Variants in STIM2 observed in about 807,000 individuals in gnomAD.
The protein encoded by STIM2 is stromal interaction molecule 2.
In STIM2, 31 loss-of-function variants were observed where a neutral mutation model predicts 85.8. That is an observed-to-expected ratio of 0.36 (90% CI 0.27 to 0.49). The LOEUF (loss-of-function observed/expected upper bound fraction) is 0.49. STIM2 is among the 20% of genes least tolerant of loss of function. The pLI, the probability that STIM2 is intolerant of heterozygous loss-of-function variation, is 0.98. For synonymous variants in STIM2, 356 were observed against 331.1 expected (o/e 1.08, Z -0.82); for missense variants, 841 against 927.6 (o/e 0.91, Z 1.21).
intron 2 of STIM2, among the ~76,000 whole-genome samples, chr4:26,954,135 T>C (rs1242280656): frequency 1.3e-5 from 2 of 152,106 alleles, no homozygotes; most frequent in Non-Finnish European, 2.9e-5. Flanking sequence ...TTTATTAAAG[T>C]GGTGTCATAA....
At chr4:26,915,712 C>T (rs972847942) in intron 1 of STIM2, among the ~76,000 whole-genome samples, 1 of 152,196 alleles carries the variant, frequency 6.6e-6, no homozygotes, top group Non-Finnish European at 1.5e-5. Flanking sequence ...TTTCCCTCAG[C>T]GCAAAGTGCT....
chr4:26,903,658 G>T (rs1724011876), intron 1 of STIM2, among the ~76,000 whole-genome samples: 1 of 152,012 alleles, frequency 6.6e-6, no homozygotes, highest in Non-Finnish European at 1.5e-5. Context: ...AATACTAAAG[G>T]CTAGCTCAGC....
At chr4:26,943,386 A>T (rs549516763) in intron 2 of STIM2, among the ~76,000 whole-genome samples, 1 of 152,286 alleles carries the variant, frequency 6.6e-6, no homozygotes, top group East Asian at 1.9e-4. Context: ...TCATGAACTC[A>T]TGATTTTAAA....
At chr4:26,883,765 T>A (rs956484379) in intron 1 of STIM2, among the ~76,000 whole-genome samples, 4 of 152,246 alleles carry the variant, frequency 2.6e-5, no homozygotes, top group Non-Finnish European at 4.4e-5. Context: ...CTGTATCAAA[T>A]GTTCCTTTTG....
At chr4:26,911,615 T>G (rs1486526005) in intron 1 of STIM2, among the ~76,000 whole-genome samples, 1 of 152,238 alleles carries the variant, frequency 6.6e-6, no homozygotes, top group African/African-American at 2.4e-5. Context: ...AATCAGAGAT[T>G]ATCTAGAGTC....
At chr4:26,899,662 A>T (rs1407219384) in intron 1 of STIM2, among the ~76,000 whole-genome samples, 1 of 152,166 alleles carries the variant, frequency 6.6e-6, no homozygotes, top group Non-Finnish European at 1.5e-5. Flanking sequence ...GTCACTGATG[A>T]ATACTTTTTC....
At chr4:26,988,351 A>AT (rs1217806429) in intron 3 of STIM2, among the ~76,000 whole-genome samples, 5 of 152,196 alleles carry the variant, frequency 3.3e-5, no homozygotes, top group Admixed American at 3.3e-4. Context: ...AACTTCATGA[A>AT]GGAGGGAGCT....
intron 1 of STIM2, among the ~76,000 whole-genome samples, chr4:26,906,822 A>G (rs898775280): frequency 5.3e-5 from 8 of 151,994 alleles, no homozygotes; most frequent in Admixed American, 3.3e-4. Flanking sequence ...AAAAAATTAG[A>G]TAGGCATGGT....
chr4:26,867,524 A>G lies in STIM2; in HGVS notation c.151+6155A>G, dbSNP rs78263382. On this transcript the variant is annotated intron_variant, in intron 1 of 11. Coordinates refer to ENST00000467087, the MANE Select transcript of STIM2 (RefSeq NM_020860.4). Reference sequence around the variant, plus strand: ...TTTTAGAATTCCATGTATAAAAAGGATAAGTGTTTCCAGATTAAACTAAAG... The same window carrying G: ...TTTTAGAATTCCATGTATAAAAAGGGTAAGTGTTTCCAGATTAAACTAAAG... Among the ~76,000 whole-genome samples the G allele has an allele frequency of 9.3e-3, 1,410 of 152,322 alleles. 6 individuals carry two copies. Among genetic ancestry groups the G allele is most frequent in the South Asian group, 0.018 (88 of 4,834 alleles).
chr4:26,893,623 A>G (rs1270135356), intron 1 of STIM2, among the ~76,000 whole-genome samples: 1 of 152,048 alleles, frequency 6.6e-6, no homozygotes, highest in African/African-American at 2.4e-5. Flanking sequence ...TTTATTGCAC[A>G]TTTTTTGAGT....
chr4:26,887,949 A>G (rs1257267851), intron 1 of STIM2, among the ~76,000 whole-genome samples: 3 of 152,214 alleles, frequency 2.0e-5, no homozygotes, highest in African/African-American at 7.2e-5. Context: ...GGCAGATTGG[A>G]AACTCTTGGG....
At position 26,878,922 on chromosome 4, in the gene STIM2, C is replaced by T. The variant is rs144378426; in HGVS notation, c.151+17553C>T. 7.2e-3 allele frequency among the ~76,000 whole-genome samples: 1,099 copies of T among 152,312 alleles called. 9 individuals carry two copies. The highest frequency in any genetic ancestry group is 0.012 in the Non-Finnish European group (816 of 68,022). On this transcript the variant is annotated intron_variant, in intron 1 of 11. Transcript: ENST00000467087. ...GAGAACAGCATGGGGGAAACTACCC[C>T]TGTGGGCCAGTCACCTCCCATCAGG...
intron 2 of STIM2, among the ~76,000 whole-genome samples, chr4:26,957,358 C>A (rs942493299): frequency 2.0e-5 from 3 of 151,994 alleles, no homozygotes; most frequent in South Asian, 2.1e-4. Context: ...TAGAATAATA[C>A]CCGGTAAATA....
intron 2 of STIM2, among the ~76,000 whole-genome samples, chr4:26,932,520 C>T (rs928942852): frequency 1.3e-5 from 2 of 152,160 alleles, no homozygotes; most frequent in Non-Finnish European, 2.9e-5. Context: ...ATAAATTGAA[C>T]ATCGTTTGCT....
At chr4:26,980,567 T>C (rs970199541) in intron 3 of STIM2, among the ~76,000 whole-genome samples, 2 of 151,926 alleles carry the variant, frequency 1.3e-5, no homozygotes, top group African/African-American at 4.8e-5. Context: ...TAAATGGGAA[T>C]TATTGAATAG....
chr4:26,869,431 T>C (rs1296894627), intron 1 of STIM2, among the ~76,000 whole-genome samples: 1 of 152,098 alleles, frequency 6.6e-6, no homozygotes, highest in Non-Finnish European at 1.5e-5. Context: ...TGTGTGTGCA[T>C]AGAGTTTTAA....
Position 26,910,582 on chromosome 4 carries a change from C to T in STIM2, c.152-8922C>T, listed in dbSNP as rs537420802. ...AAACTAAAATAAAAAAATTAGATAG[C>T]TGTCAGTGAATATAGAGATAAATAC... On this transcript the variant is annotated intron_variant, in intron 1 of 11. Transcript: ENST00000467087. Among the ~76,000 whole-genome samples, 151 of 152,080 alleles carry T rather than the reference C, an allele frequency of 9.9e-4. 6 individuals are homozygous for T. In the South Asian group the frequency reaches 0.03, roughly 30 times the overall value.
intron 1 of STIM2, among the ~76,000 whole-genome samples, chr4:26,893,911 C>T (rs1279653711): frequency 6.6e-6 from 1 of 151,814 alleles, no homozygotes; most frequent in Non-Finnish European, 1.5e-5. Context: ...TTTTTTGAGA[C>T]AGAGTCTTGT....
At chr4:26,875,235 A>G (rs982609101) in intron 1 of STIM2, among the ~76,000 whole-genome samples, 6 of 152,194 alleles carry the variant, frequency 3.9e-5, no homozygotes, top group African/African-American at 1.4e-4. Flanking sequence ...TATTTTTGCC[A>G]TATGCTATAT....
Sources: gnomAD v4.1 joint callset for allele counts (sites outside exome capture counted in the v4.1 genomes callset) on GRCh38, gnomAD v4.1.1 for gene constraint, MANE v1.5 for transcripts, NCBI Gene and HGNC (gene_info 2026-07-23, HGNC 2026-07-21) for gene names.